Variants in PTPRG observed in about 807,000 individuals in gnomAD.
The protein encoded by PTPRG is protein tyrosine phosphatase receptor type G.
A neutral mutation model predicts 165.3 loss-of-function variants in PTPRG; 102 were observed. That is an observed-to-expected ratio of 0.62 (90% CI 0.53 to 0.73). PTPRG has a LOEUF of 0.73. PTPRG is among the 30% of genes least tolerant of loss of function. The pLI, the probability that PTPRG is intolerant of heterozygous loss-of-function variation, is 0.00. For missense variants in PTPRG, 1,866 were observed against 1,861.4 expected, an observed-to-expected ratio of 1.00 and a Z score of -0.05; for synonymous variants, 675 against 669.5, an observed-to-expected ratio of 1.01 and a Z score of -0.13.
chr3:61,916,982 T>C (rs1423468169), intron 2 of PTPRG, among the ~76,000 whole-genome samples: 1 of 152,206 alleles, frequency 6.6e-6, no homozygotes, highest in Non-Finnish European at 1.5e-5. Context: ...GGATAATTTT[T>C]CCTTGCATTC....
At chr3:61,672,312 C>T (rs370934670) in intron 1 of PTPRG, among the ~76,000 whole-genome samples, 12 of 141,620 alleles carry the variant, frequency 8.5e-5, no homozygotes, top group Admixed American at 1.4e-4. Flanking sequence ...ACTTCCCAGA[C>T]GGGGTGGCGG....
intron 5 of PTPRG, among the ~76,000 whole-genome samples, chr3:62,081,093 T>G (rs957545467): frequency 2.1e-4 from 32 of 151,300 alleles, no homozygotes; most frequent in Non-Finnish European, 4.4e-4. Flanking sequence ...CCATCTCTAC[T>G]AAAAATACAA....
chr3:61,924,445 C>G (rs2039155816), intron 2 of PTPRG, among the ~76,000 whole-genome samples: 1 of 152,156 alleles, frequency 6.6e-6, no homozygotes, highest in African/African-American at 2.4e-5. Context: ...AAATAAATGC[C>G]TTATATTGAA....
chr3:61,618,623 C>A (rs1473989344), intron 1 of PTPRG, among the ~76,000 whole-genome samples: 2 of 152,094 alleles, frequency 1.3e-5, no homozygotes, highest in Non-Finnish European at 2.9e-5. Flanking sequence ...TCTTTCTTTC[C>A]TTGAAACTAA....
At chr3:61,969,831 C>T (rs1360025380) in intron 2 of PTPRG, among the ~76,000 whole-genome samples, 1 of 152,164 alleles carries the variant, frequency 6.6e-6, no homozygotes, top group African/African-American at 2.4e-5. Flanking sequence ...TAATGATTTT[C>T]CCCTTGGAAA....
intron 7 of PTPRG, 147 bp from the exon 8 acceptor site, chr3:62,167,824 G>C (rs1705052929): frequency 2.7e-6 from 2 of 742,474 alleles, no homozygotes; most frequent in Non-Finnish European, 4.4e-6. Flanking sequence ...AGGTCCTGCT[G>C]GGTTTAGCAG....
chr3:61,738,262 AT>A (rs1559583048), intron 1 of PTPRG, among the ~76,000 whole-genome samples: 10 of 77,998 alleles, frequency 1.3e-4, no homozygotes, highest in East Asian at 9.6e-4. Flanking sequence ...CCATTTTTAT[AT>A]ATATATATAT....
intron 1 of PTPRG, among the ~76,000 whole-genome samples, chr3:61,563,706 C>A (rs778531950): frequency 7.9e-5 from 12 of 152,212 alleles, no homozygotes; most frequent in African/African-American, 2.7e-4. Context: ...TGGTTACAGA[C>A]GCCTGTCCTC....
chr3:62,208,089 G>A (rs990681018), intron 12 of PTPRG, among the ~76,000 whole-genome samples: 8 of 152,198 alleles, frequency 5.3e-5, no homozygotes, highest in African/African-American at 7.2e-5. Context: ...GGTAGGAACC[G>A]CGGGTGGTCA....
At chr3:61,929,726 C>T (rs1407680563) in intron 2 of PTPRG, among the ~76,000 whole-genome samples, 1 of 151,722 alleles carries the variant, frequency 6.6e-6, no homozygotes, top group Non-Finnish European at 1.5e-5. Flanking sequence ...AGATGTCTAC[C>T]GCTCTAGCCC....
intron 1 of PTPRG, among the ~76,000 whole-genome samples, chr3:61,735,728 T>C (rs2032694257): frequency 6.6e-6 from 1 of 152,198 alleles, no homozygotes; most frequent in South Asian, 2.1e-4. Context: ...AGAGCCATCC[T>C]GAACAGGTGC....
At chr3:62,013,730 A>G (rs1198725748) in intron 4 of PTPRG, among the ~76,000 whole-genome samples, 2 of 151,938 alleles carry the variant, frequency 1.3e-5, no homozygotes, top group East Asian at 1.9e-4. Flanking sequence ...TCAGTTTTAT[A>G]TTGGAATCTG....
At chr3:61,841,446 G>C (rs1022405942) in intron 2 of PTPRG, among the ~76,000 whole-genome samples, 1 of 152,158 alleles carries the variant, frequency 6.6e-6, no homozygotes, top group East Asian at 1.9e-4. Context: ...TGTCCTGTAG[G>C]TATAAAGTCA....
chr3:61,765,667 G>A (rs1575645955), intron 2 of PTPRG, among the ~76,000 whole-genome samples: 1 of 152,132 alleles, frequency 6.6e-6, no homozygotes, highest in South Asian at 2.1e-4. Flanking sequence ...GTGATTGACA[G>A]GCTACCGTGA....
intron 1 of PTPRG, among the ~76,000 whole-genome samples, chr3:61,613,415 C>T (rs1377539646): frequency 6.6e-6 from 1 of 152,172 alleles, no homozygotes; most frequent in East Asian, 1.9e-4. Context: ...ATGAATTTCT[C>T]AGCACTGCTG....
chr3:61,567,965 CAAAA>C (rs11451025), intron 1 of PTPRG, among the ~76,000 whole-genome samples: 3 of 124,250 alleles, frequency 2.4e-5, no homozygotes, highest in African/African-American at 6.3e-5. Context: ...GACCCTGCCT[CAAAA>C]AAAAAAAAAA....
intron 7 of PTPRG, among the ~76,000 whole-genome samples, chr3:62,165,550 A>C (rs1183087700): frequency 6.6e-6 from 1 of 152,024 alleles, no homozygotes; most frequent in East Asian, 1.9e-4. Context: ...AAAGAATAGG[A>C]AGGCAGGCAG....
At chr3:62,136,848 G>T (rs1322877225) in intron 6 of PTPRG, among the ~76,000 whole-genome samples, 3 of 152,094 alleles carry the variant, frequency 2.0e-5, no homozygotes, top group African/African-American at 7.2e-5. Flanking sequence ...TCTTTCTTTT[G>T]TAAACTGCCC....
chr3:62,042,588 T>C (rs1201235758), intron 4 of PTPRG, among the ~76,000 whole-genome samples: 3 of 152,164 alleles, frequency 2.0e-5, no homozygotes, highest in African/African-American at 7.2e-5. Flanking sequence ...TGATATTGTC[T>C]CTTTTCCTTT....
Sources: gnomAD v4.1 joint callset for allele counts (sites outside exome capture counted in the v4.1 genomes callset) on GRCh38, gnomAD v4.1.1 for gene constraint, MANE v1.5 for transcripts, NCBI Gene and HGNC (gene_info 2026-07-23, HGNC 2026-07-21) for gene names.